Variants in INTS4 observed in about 807,000 individuals in gnomAD.
INTS4 encodes MSTP093.
Under a neutral mutation model 119.5 loss-of-function variants are expected in INTS4, and 70 were observed. That is an observed-to-expected ratio of 0.59 (90% CI 0.48 to 0.71). The LOEUF is 0.71. Ranked by LOEUF, INTS4 falls within the 30% of genes least tolerant of loss-of-function variation. The pLI, the probability that INTS4 is intolerant of heterozygous loss-of-function variation, is 0.00. For missense variants in INTS4, 867 were observed against 1,173.2 expected, an observed-to-expected ratio of 0.74 and a Z score of 3.81; for synonymous variants, 316 against 419.6, an observed-to-expected ratio of 0.75 and a Z score of 3.02.
chr11:77,907,774 C>T lies in INTS4; in HGVS notation c.1959G>A (p.Leu653=). 6.2e-7 allele frequency: 1 copy of T among 1,613,700 alleles called. No individual in the cohort carries two copies. The highest frequency in any genetic ancestry group is 8.5e-7 in the Non-Finnish European group (1 of 1,179,754). Residue 653 remains leucine (L), a synonymous_variant, in exon 16 of 23, where the codon TTG becomes TTA. Coordinates refer to ENST00000534064, the MANE Select transcript of INTS4 (RefSeq NM_033547.4). ...TGGCAGAGAAATCAGCTACTCCTGC[C>T]AATTCAGATTGAAGTTCTCCAAGTC... ...LQRLGELQSE[L]AGVADFSATY... is the part of the protein sequence containing the mutation.
Position 77,938,830 on chromosome 11 carries a change from A to G in INTS4, c.991-5T>C. The G allele has an allele frequency of 1.2e-6, 2 of 1,606,464 alleles. No homozygotes were observed. The highest frequency in any genetic ancestry group is 1.7e-6 in the Non-Finnish European group (2 of 1,177,248). On this transcript the variant is annotated splice_polypyrimidine_tract_variant and splice_region_variant and intron_variant, in intron 9 of 22. Transcript: ENST00000534064. ...CTCATGTGCAGTACGTTTCCTCTGC[A>G]GAGGACAACAACAATTACCAATTGT...
At position 77,891,739 on chromosome 11, in the gene INTS4, T is replaced by C. The variant is rs762067165; in HGVS notation, c.2390A>G (p.Lys797Arg). 8 of 1,611,850 alleles carry C rather than the reference T, an allele frequency of 5.0e-6. No individual in the cohort carries two copies. The African/African-American group carries it at 6.7e-5, about 13-fold the overall frequency. The change falls in exon 20 of 23, where the codon AAA (lysine) becomes AGA (arginine). Residue 797 changes from lysine (K) to arginine (R), a missense_variant. Lys to Arg is a conservative substitution (Grantham distance 26, BLOSUM62 2). Transcript: ENST00000534064. The part of the protein sequence containing the change: ...LMTSKPAEVV[K>R]ILQTMLRQSA... ...CTGTCGCAGCATGGTCTGTAGAATTTTGACCACTTCTGCAGGTTTGGATGT... is the reference window on the plus strand; with the variant it reads ...CTGTCGCAGCATGGTCTGTAGAATTCTGACCACTTCTGCAGGTTTGGATGT...
At chr11:77,897,147 G>T (rs1359930635) in intron 18 of INTS4, among the ~76,000 whole-genome samples, 15 of 151,850 alleles carry the variant, frequency 9.9e-5, no homozygotes, top group Admixed American at 8.5e-4. Flanking sequence ...ATTTATGTAT[G>T]AGAGCAAAGG....
intron 8 of INTS4, among the ~76,000 whole-genome samples, chr11:77,948,720 A>T (rs1326503559): frequency 1.3e-5 from 2 of 149,396 alleles, no homozygotes; most frequent in Non-Finnish European, 3.0e-5. Flanking sequence ...ATATAAATGG[A>T]TTAAGTTCTT....
chr11:77,963,918 C>G (rs1457126713), intron 4 of INTS4, among the ~76,000 whole-genome samples: 1 of 152,108 alleles, frequency 6.6e-6, no homozygotes, highest in East Asian at 1.9e-4. Context: ...CTCTTGGGCT[C>G]AGGTGATCCT....
At chr11:77,904,915 A>C (rs1313212537) in intron 16 of INTS4, among the ~76,000 whole-genome samples, 1 of 152,146 alleles carries the variant, frequency 6.6e-6, no homozygotes, top group Non-Finnish European at 1.5e-5. Flanking sequence ...GCTTAAGGAG[A>C]TGCGTATGAG....
At chr11:77,928,303 G>A (rs374560388) in intron 11 of INTS4, 39 bp downstream of exon 11, 93 of 1,601,856 alleles carry the variant, frequency 5.8e-5, no homozygotes, top group Admixed American at 1.3e-4. Context: ...AGGGGGGGGT[G>A]AGGGATGAAG....
intron 15 of INTS4, 107 bp downstream of exon 15, chr11:77,918,714 A>G: frequency 4.7e-6 from 7 of 1,478,898 alleles, no homozygotes; most frequent in Non-Finnish European, 5.4e-6. Context: ...GTGAATGTAG[A>G]CCAATAAAGT....
chr11:77,892,625 C>T (rs758201225), intron 19 of INTS4, among the ~76,000 whole-genome samples: 44 of 152,060 alleles, frequency 2.9e-4, no homozygotes, highest in African/African-American at 9.9e-4. Context: ...CACTATTGCC[C>T]GGGCTGGTGT....
chr11:77,915,819 A>T (rs1393692499), intron 15 of INTS4, among the ~76,000 whole-genome samples: 1 of 152,250 alleles, frequency 6.6e-6, no homozygotes, highest in African/African-American at 2.4e-5. Context: ...CCCTTGAGCT[A>T]GGTTCCAGAC....
At chr11:77,880,202 A>G (rs1951737838) in intron 22 of INTS4, among the ~76,000 whole-genome samples, 1 of 152,222 alleles carries the variant, frequency 6.6e-6, no homozygotes, top group Admixed American at 6.5e-5. Flanking sequence ...TTCAGAGGGT[A>G]GGAATGAAGG....
At chr11:77,888,946 G>A (rs1005435165) in intron 21 of INTS4, among the ~76,000 whole-genome samples, 1 of 152,198 alleles carries the variant, frequency 6.6e-6, no homozygotes, top group African/African-American at 2.4e-5. Flanking sequence ...AGAGGATGTG[G>A]AGAAATAGGA....
At chr11:77,976,774 T>C (rs1301449992) in intron 4 of INTS4, among the ~76,000 whole-genome samples, 1 of 152,138 alleles carries the variant, frequency 6.6e-6, no homozygotes, top group East Asian at 1.9e-4. Context: ...ATGTCCTTTG[T>C]AGGGACATGG....
At chr11:77,876,882 G>A (rs992672553), downstream of INTS4, 20 of 673,402 alleles carry the variant, frequency 3.0e-5, 1 homozygote, top group African/African-American at 2.1e-4. Flanking sequence ...TCTTCCCTTA[G>A]AAGGTTTTCT....
Position 77,940,573 on chromosome 11 carries a change from T to C in INTS4, c.990+607A>G, listed in dbSNP as rs573622854. On this transcript the variant is annotated intron_variant, in intron 9 of 22. Coordinates refer to ENST00000534064, the MANE Select transcript of INTS4 (RefSeq NM_033547.4). Reference sequence around the variant, plus strand: ...CATCTCACAAAATGAGAATGGGCCTTTGTAGTTCCTAACAAATAGAAAATT... The same window carrying C: ...CATCTCACAAAATGAGAATGGGCCTCTGTAGTTCCTAACAAATAGAAAATT... Among the ~76,000 whole-genome samples, 5 of 152,304 alleles carry C rather than the reference T, an allele frequency of 3.3e-5. No individual in the cohort carries two copies. In the South Asian group the frequency reaches 1.0e-3, roughly 32 times the overall value.
rs141794771 is a variant in INTS4, at chr11:77,952,181, G to A, written c.918+3761C>T. On this transcript the variant is annotated intron_variant, in intron 8 of 22. Transcript: ENST00000534064. ...TTATCTACTGGAGAGCTGGAGTAGAGCAGCTTTACCTCTTAGCTTGCACAG... is the reference window on the plus strand; with the variant it reads ...TTATCTACTGGAGAGCTGGAGTAGAACAGCTTTACCTCTTAGCTTGCACAG... Among the ~76,000 whole-genome samples the A allele has an allele frequency of 7.2e-3, 1,089 of 152,270 alleles. 7 individuals are homozygous for A. Among genetic ancestry groups the A allele is most frequent in the Non-Finnish European group, 0.011 (771 of 68,018 alleles).
chr11:77,950,667 T>G lies in INTS4; in HGVS notation c.918+5275A>C, dbSNP rs1342212299. Among the ~76,000 whole-genome samples, 3 of 152,314 alleles carry G rather than the reference T, an allele frequency of 2.0e-5. No individual in the cohort carries two copies. In the East Asian group the frequency reaches 5.8e-4, roughly 29 times the overall value. ...ATCCTGATTGGATTAATATTCAACATAGATGTGTATCAAAACATCAACTTG... is the reference window on the plus strand; with the variant it reads ...ATCCTGATTGGATTAATATTCAACAGAGATGTGTATCAAAACATCAACTTG... On this transcript the variant is annotated intron_variant, in intron 8 of 22. Transcript: ENST00000534064.
intron 21 of INTS4, among the ~76,000 whole-genome samples, chr11:77,887,631 T>C: frequency 6.6e-6 from 1 of 152,166 alleles, no homozygotes; most frequent in Non-Finnish European, 1.5e-5. Flanking sequence ...GAAGTCAAAT[T>C]GTCCCTGTTT....
chr11:77,897,523 CAG>C (rs1339474947), intron 18 of INTS4, among the ~76,000 whole-genome samples: 2 of 150,384 alleles, frequency 1.3e-5, no homozygotes, highest in Admixed American at 6.6e-5. Flanking sequence ...TTTTTTGAGA[CAG>C]AGTCTCACTC....
Sources: gnomAD v4.1 joint callset for allele counts (sites outside exome capture counted in the v4.1 genomes callset) on GRCh38, gnomAD v4.1.1 for gene constraint, MANE v1.5 for transcripts, NCBI Gene and HGNC (gene_info 2026-07-23, HGNC 2026-07-21) for gene names.